The following PRPF38A variants were observed in gnomAD, a reference collection of about 807,000 sequenced individuals.
PRPF38A encodes the protein pre-mRNA-splicing factor 38A.
Under a neutral mutation model 46.8 loss-of-function variants are expected in PRPF38A, and 11 were observed. That is an observed-to-expected ratio of 0.24 (90% CI 0.15 to 0.39). The LOEUF (loss-of-function observed/expected upper bound fraction) is 0.39. PRPF38A is among the 10% of genes least tolerant of loss of function. The pLI, the probability that PRPF38A is intolerant of heterozygous loss-of-function variation, is 1.00. For synonymous variants in PRPF38A, 124 were observed against 136.2 expected (o/e 0.91, Z 0.62); for missense variants, 261 against 407.5 (o/e 0.64, Z 3.10).
At position 52,415,832 on chromosome 1, in the gene PRPF38A, C is replaced by CTTTTTTTTT. The variant is rs71041898; in HGVS notation, c.896+466_896+474dup. On this transcript the variant is annotated intron_variant, in intron 9 of 9. Coordinates refer to ENST00000257181, the MANE Select transcript of PRPF38A (RefSeq NM_032864.4). ...TGTGCCATATACCGTTGGGTGCACT[C>CTTTTTTTTT]TTTTTTTTTTTTTTTTTTTTTTTTT... is the stretch of plus-strand genomic sequence containing the variant. Among the ~76,000 whole-genome samples the CTTTTTTTTT allele has an allele frequency of 2.7e-4, 14 of 51,610 alleles. 1 individual carries two copies. The highest frequency in any genetic ancestry group is 1.3e-3 in the African/African-American group (14 of 10,890). The allele number at this position is 51,610 out of a possible 152,430, so 33.9% of individuals were successfully genotyped here. A position where few individuals can be genotyped will look rare whatever the true frequency, so the allele number is the denominator to read the frequency against.
chr1:52,406,238 C>G (rs548576180), intron 2 of PRPF38A, among the ~76,000 whole-genome samples: 4 of 152,072 alleles, frequency 2.6e-5, no homozygotes, highest in Non-Finnish European at 4.4e-5. Flanking sequence ...ATCCCCTCCC[C>G]CCCCGGGCCT....
rs1241202951 is a variant in PRPF38A at position 52,411,021 on chromosome 1, G to T, written c.413-94G>T. 1.3e-5 allele frequency: 11 copies of T among 830,132 alleles called. No homozygotes were observed. The African/African-American group carries it at 1.9e-4, about 14-fold the overall frequency. 51.4% of individuals were successfully genotyped at this position (830,132 alleles called of 1,614,324 possible). A position where few individuals can be genotyped will look rare whatever the true frequency, so the allele number is the denominator to read the frequency against. On this transcript the variant is annotated intron_variant, in intron 3 of 9. Transcript: ENST00000257181. ...CTCTTCTAAAGAGGCCTAGCACATAGATGTCCTGATATGAAGTCTTAACAC... is the reference window on the plus strand; with the variant it reads ...CTCTTCTAAAGAGGCCTAGCACATATATGTCCTGATATGAAGTCTTAACAC...
chr1:52,413,217 T>C (rs917105330), intron 5 of PRPF38A, among the ~76,000 whole-genome samples: 1 of 152,182 alleles, frequency 6.6e-6, no homozygotes, highest in African/African-American at 2.4e-5. Flanking sequence ...TGGCACATTA[T>C]AATTGCCTAA....
intron 2 of PRPF38A, among the ~76,000 whole-genome samples, chr1:52,406,998 T>C (rs1271450913): frequency 3.3e-5 from 5 of 152,228 alleles, no homozygotes; most frequent in East Asian, 3.9e-4. Flanking sequence ...TAGTTAGATA[T>C]AGGAAAAAGG....
chr1:52,405,872 G>T (rs778827371), intron 2 of PRPF38A, 33 bp downstream of exon 2: 1 of 1,598,994 alleles, frequency 6.3e-7, no homozygotes, highest in Non-Finnish European at 8.6e-7. Context: ...AATATAAGAG[G>T]TTTAATTTTG....
intron 5 of PRPF38A, among the ~76,000 whole-genome samples, chr1:52,413,666 C>G (rs922603603): frequency 6.6e-6 from 1 of 152,154 alleles, no homozygotes; most frequent in African/African-American, 2.4e-5. Flanking sequence ...TCTGTTCCCT[C>G]TCCTATGAGT....
In PRPF38A at chr1:52,411,185, T is replaced by C; in HGVS notation, c.483T>C (p.Ile161=). 6.2e-7 allele frequency: 1 copy of C among 1,612,688 alleles called. No homozygotes were observed. The highest frequency in any genetic ancestry group is 8.5e-7 in the Non-Finnish European group (1 of 1,178,874). ...ACAGTGAGAGAGTCTGTGATATCAT[T>C]CTGCCCCGACTACAGGTAAGAAATA... ...LLHSERVCDI[I]LPRLQKRYVL... The change falls in exon 4 of 10, where the codon ATT becomes ATC. Residue 161 remains isoleucine, a synonymous_variant. Coordinates refer to ENST00000257181, the MANE Select transcript of PRPF38A (RefSeq NM_032864.4).
chr1:52,416,179 A>G (rs1366262171), intron 9 of PRPF38A, among the ~76,000 whole-genome samples: 5 of 151,430 alleles, frequency 3.3e-5, no homozygotes, highest in East Asian at 2.0e-4. Context: ...CATTTCCTCA[A>G]TGGTAAAATT....
chr1:52,407,749 C>T (rs1353905004), intron 2 of PRPF38A, among the ~76,000 whole-genome samples: 1 of 151,974 alleles, frequency 6.6e-6, no homozygotes, highest in Non-Finnish European at 1.5e-5. Context: ...GGGGAAACCC[C>T]GTCTCTACTA....
intron 3 of PRPF38A, 188 bp downstream of exon 3, chr1:52,408,878 T>C: frequency 1.8e-6 from 1 of 568,642 alleles, no homozygotes; most frequent in East Asian, 3.2e-5. Context: ...CGTGTTGGCC[T>C]TACCCAGCCT....
At chr1:52,413,782 G>C (rs894204178) in intron 5 of PRPF38A, 97 bp from the exon 6 acceptor site, 1 of 762,554 alleles carries the variant, frequency 1.3e-6, no homozygotes, top group African/African-American at 1.7e-5. Context: ...CATGGAGATG[G>C]ACTTTGGGAC....
chr1:52,405,101 G>A (rs1019251698), intron 1 of PRPF38A, among the ~76,000 whole-genome samples: 5 of 152,214 alleles, frequency 3.3e-5, no homozygotes, highest in African/African-American at 1.2e-4. Context: ...GTCTCAGTTG[G>A]GTGTTGTGAG....
chr1:52,408,820 A>G (rs1648070803), intron 3 of PRPF38A, 130 bp downstream of exon 3: 3 of 1,190,160 alleles, frequency 2.5e-6, no homozygotes. Context: ...GTCTCTATGC[A>G]GGTTTTCCCT....
intron 5 of PRPF38A, 57 bp from the exon 6 acceptor site, chr1:52,413,821 TC>T: frequency 8.9e-7 from 1 of 1,128,794 alleles, no homozygotes. Flanking sequence ...TAATTAGTGT[TC>T]CTAGATGGCT....
chr1:52,414,057 T>C, intron 6 of PRPF38A, 66 bp downstream of exon 6: 1 of 1,070,228 alleles, frequency 9.3e-7, no homozygotes, highest in East Asian at 2.4e-5. Context: ...GTTTGGATTT[T>C]AGAGAAGGAA....
rs560751345 is a variant in PRPF38A, at chr1:52,409,844, G to C, written c.412+1154G>C. On this transcript the variant is annotated intron_variant, in intron 3 of 9. Coordinates refer to ENST00000257181, the MANE Select transcript of PRPF38A (RefSeq NM_032864.4). ...GTCATATAACTTTTGTGTGAGGATT[G>C]GCTTGTGCATCATAGAATGAGTAGC... Among the ~76,000 whole-genome samples the C allele has an allele frequency of 2.0e-5, 3 of 152,006 alleles. No homozygotes were observed. The East Asian group carries it at 5.8e-4, about 29-fold the overall frequency.
chr1:52,413,359 G>A (rs1394945650), intron 5 of PRPF38A, among the ~76,000 whole-genome samples: 1 of 152,066 alleles, frequency 6.6e-6, no homozygotes, highest in African/African-American at 2.4e-5. Flanking sequence ...TACTAGTTAC[G>A]GTGCTGAAAA....
intron 2 of PRPF38A, among the ~76,000 whole-genome samples, chr1:52,406,146 G>T (rs529991852): frequency 6.6e-6 from 1 of 151,756 alleles, no homozygotes; most frequent in Non-Finnish European, 1.5e-5. Flanking sequence ...GTGCCATCAC[G>T]CCTGGCTAAT....
rs760500757 is a variant in PRPF38A at position 52,412,572 on chromosome 1, A to C, written c.557A>C (p.Glu186Ala). ...QLEPRVSALE[E>A]DMDDVESSEE... is the part of the protein sequence containing the mutation. Reference sequence around the variant, plus strand: ...GAGCCTCGAGTTAGTGCTCTGGAAGAGGACATGGATGATGTGGAGTCCAGT... The same window carrying C: ...GAGCCTCGAGTTAGTGCTCTGGAAGCGGACATGGATGATGTGGAGTCCAGT... Residue 186 changes from glutamate to alanine, a missense_variant, in exon 5 of 10, where the codon GAG becomes GCG. Around this residue, in one of 2 missense-constraint regions of PRPF38A, gnomAD observed 180 missense variants for 221.0 expected, o/e 0.81. Transcript: ENST00000257181. 1.2e-6 allele frequency: 2 copies of C among 1,613,908 alleles called. No individual in the cohort carries two copies. The highest frequency in any genetic ancestry group is 1.7e-6 in the Non-Finnish European group (2 of 1,179,776).
Sources: gnomAD v4.1 joint callset for allele counts (sites outside exome capture counted in the v4.1 genomes callset) on GRCh38, gnomAD v4.1.1 for gene constraint, gnomAD v4.1.1 regional missense constraint, MANE v1.5 for transcripts, NCBI Gene and HGNC (gene_info 2026-07-23, HGNC 2026-07-21) for gene names.